Variants in SGCD observed in about 807,000 individuals in gnomAD.
SGCD encodes the protein sarcoglycan delta.
In SGCD, 18 loss-of-function variants were observed where a neutral mutation model predicts 36.6. That is an observed-to-expected ratio of 0.49 (90% confidence interval 0.34 to 0.73). The LOEUF is 0.73. Among genes scored for constraint, SGCD ranks in the 30% least tolerant of loss-of-function variants. The pLI, the probability that SGCD is intolerant of heterozygous loss-of-function variation, is 0.01. For missense variants in SGCD, 387 were observed against 346.7 expected, an observed-to-expected ratio of 1.12 and a Z score of -0.92; for synonymous variants, 133 against 130.6, an observed-to-expected ratio of 1.02 and a Z score of -0.12.
intron 4 of SGCD, among the ~76,000 whole-genome samples, chr5:156,566,236 G>C (rs891624090): frequency 9.2e-5 from 14 of 152,182 alleles, no homozygotes; most frequent in Admixed American, 2.6e-4. Context: ...CTGTTGGTGA[G>C]AGTGTAAATA....
chr5:155,932,306 AT>A (rs1220730103), intron 1 of SGCD, among the ~76,000 whole-genome samples: 2 of 152,084 alleles, frequency 1.3e-5, no homozygotes, highest in Non-Finnish European at 2.9e-5. Context: ...TTCTTCCTGA[AT>A]TGTTTCTTGA....
intron 3 of SGCD, among the ~76,000 whole-genome samples, chr5:156,186,343 A>G (rs567091871): frequency 1.4e-4 from 21 of 152,274 alleles, no homozygotes; most frequent in Admixed American, 5.9e-4. Context: ...GATATCTGCT[A>G]TGATACTGTT....
intron 3 of SGCD, among the ~76,000 whole-genome samples, chr5:156,220,426 A>G (rs1764688774): frequency 6.6e-6 from 1 of 152,206 alleles, no homozygotes; most frequent in Non-Finnish European, 1.5e-5. Flanking sequence ...TTTATAAATC[A>G]AAATCTTCAG....
chr5:156,297,041 A>T (rs1766915096), intron 3 of SGCD, among the ~76,000 whole-genome samples: 1 of 151,334 alleles, frequency 6.6e-6, no homozygotes, highest in Non-Finnish European at 1.5e-5. Flanking sequence ...ATATATATAT[A>T]TATATGGGAT....
At chr5:156,647,575 T>C (rs1243059992) in intron 7 of SGCD, 39 bp downstream of exon 7, 15 of 1,333,668 alleles carry the variant, frequency 1.1e-5, no homozygotes, top group Admixed American at 2.0e-5. Flanking sequence ...TTAATGGCTA[T>C]TGCCTTGCTC....
the SGCD span, among the ~76,000 whole-genome samples, chr5:155,781,710 A>T: frequency 6.6e-6 from 1 of 152,052 alleles, no homozygotes; most frequent in Non-Finnish European, 1.5e-5. Context: ...GACTCAAGTG[A>T]TCAGCCCACC....
intron 6 of SGCD, among the ~76,000 whole-genome samples, chr5:156,608,321 C>A (rs1263405141): frequency 6.6e-6 from 1 of 152,174 alleles, no homozygotes; most frequent in African/African-American, 2.4e-5. Context: ...CATTCAGGAG[C>A]AGGTTGTTCA....
At chr5:156,370,489 A>G (rs757286151) in intron 3 of SGCD, among the ~76,000 whole-genome samples, 2 of 152,122 alleles carry the variant, frequency 1.3e-5, no homozygotes, top group Non-Finnish European at 2.9e-5. Flanking sequence ...ATGTAAGAGC[A>G]TTTTCAGAGT....
the SGCD span, among the ~76,000 whole-genome samples, chr5:155,855,307 A>G: frequency 6.6e-6 from 1 of 152,258 alleles, no homozygotes; most frequent in Non-Finnish European, 1.5e-5. Context: ...TCTACACTGG[A>G]TTGCAAGATT....
intron 1 of SGCD, among the ~76,000 whole-genome samples, chr5:156,070,682 A>T (rs1760519857): frequency 6.6e-6 from 1 of 151,930 alleles, no homozygotes; most frequent in Non-Finnish European, 1.5e-5. Flanking sequence ...TTTTCTATTG[A>T]TTGGAATAGT....
rs151071457 is a variant in SGCD at position 156,749,964 on chromosome 5, C to CA, written c.576-7609dup. ...TTTTATGAATACAGATGCAAATTAC[C>CA]AAAAAAAATGAAATATTTTCAGAAA... On this transcript the variant is annotated intron_variant, in intron 7 of 8. Transcript: ENST00000337851. 1.5e-4 allele frequency among the ~76,000 whole-genome samples: 23 copies of CA among 150,894 alleles called. No individual in the cohort carries two copies. In the East Asian group the frequency reaches 2.3e-3, roughly 15 times the overall value.
intron 5 of SGCD, among the ~76,000 whole-genome samples, chr5:156,594,554 G>T (rs1269650358): frequency 6.6e-6 from 1 of 152,150 alleles, no homozygotes; most frequent in Non-Finnish European, 1.5e-5. Flanking sequence ...ATATGTGATT[G>T]TCTCGAGAAG....
chr5:155,782,669 C>T, the SGCD span, among the ~76,000 whole-genome samples: 7 of 152,112 alleles, frequency 4.6e-5, no homozygotes, highest in Non-Finnish European at 4.4e-5. Context: ...CACAGCAAGA[C>T]GTGAGCAGGG....
chr5:156,205,829 G>T (rs963966614), intron 3 of SGCD, among the ~76,000 whole-genome samples: 1 of 151,724 alleles, frequency 6.6e-6, no homozygotes, highest in Non-Finnish European at 1.5e-5. Flanking sequence ...GAGTCAATGG[G>T]ATTCTCGTCG....
At chr5:156,072,254 T>C (rs1760597112) in intron 1 of SGCD, among the ~76,000 whole-genome samples, 1 of 152,176 alleles carries the variant, frequency 6.6e-6, no homozygotes, top group African/African-American at 2.4e-5. Flanking sequence ...GGCATGATTT[T>C]GCAGTGGCTG....
intron 3 of SGCD, among the ~76,000 whole-genome samples, chr5:156,231,287 C>G (rs1229108084): frequency 1.3e-5 from 2 of 152,194 alleles, no homozygotes; most frequent in Non-Finnish European, 2.9e-5. Flanking sequence ...GTAATCCCGA[C>G]ATTTTGGGAG....
At chr5:156,381,017 GTCTC>G (rs957870375) in intron 3 of SGCD, among the ~76,000 whole-genome samples, 1 of 152,180 alleles carries the variant, frequency 6.6e-6, no homozygotes, top group Non-Finnish European at 1.5e-5. Flanking sequence ...TCTCCAAGAA[GTCTC>G]TCTCATTCCT....
In SGCD at chr5:156,284,829, G is replaced by C. The variant is rs990005857; in HGVS notation, c.-43-44705G>C. Reference sequence around the variant, plus strand: ...TGTTGGAAGTTCTGGCCAGGGCAATGAGGCAGGAGAAGGAAATAAAGGGTA... The same window carrying C: ...TGTTGGAAGTTCTGGCCAGGGCAATCAGGCAGGAGAAGGAAATAAAGGGTA... On this transcript the variant is annotated intron_variant, in intron 3 of 9. Coordinates refer to the SGCD transcript ENST00000517913. Among the ~76,000 whole-genome samples, 14 of 152,134 alleles carry C rather than the reference G, an allele frequency of 9.2e-5. 1 individual carries two copies. The highest frequency in any genetic ancestry group is 2.9e-4 in the African/African-American group (12 of 41,524).
chr5:156,273,357 T>G (rs1766228891), intron 3 of SGCD, among the ~76,000 whole-genome samples: 1 of 152,200 alleles, frequency 6.6e-6, no homozygotes, highest in South Asian at 2.1e-4. Flanking sequence ...TTGAACTCAT[T>G]TTTCTTGCAA....
Sources: gnomAD v4.1 joint callset for allele counts (sites outside exome capture counted in the v4.1 genomes callset) on GRCh38, gnomAD v4.1.1 for gene constraint, MANE v1.5 for transcripts, NCBI Gene and HGNC (gene_info 2026-07-23, HGNC 2026-07-21) for gene names.